The following CTIF variants were observed in gnomAD, a reference collection of about 807,000 sequenced individuals.
CTIF encodes cap binding complex dependent translation initiation factor.
A neutral mutation model predicts 66.0 loss-of-function variants in CTIF; 21 were observed. The ratio of observed to expected loss-of-function variants is 0.32; its 90% CI spans 0.23 to 0.46. The LOEUF (loss-of-function observed/expected upper bound fraction) is 0.46. Among genes scored for constraint, CTIF ranks in the 20% least tolerant of loss-of-function variants. The pLI is 1.00. For synonymous variants in CTIF, 345 were observed against 326.4 expected, an observed-to-expected ratio of 1.06 and a Z score of -0.62; for missense variants, 739 against 812.7, an observed-to-expected ratio of 0.91 and a Z score of 1.10.
chr18:48,724,384 C>G (rs1333807862), intron 7 of CTIF, among the ~76,000 whole-genome samples: 1 of 152,188 alleles, frequency 6.6e-6, no homozygotes, highest in Non-Finnish European at 1.5e-5. Context: ...ACCCTCCCAC[C>G]CACTGTCTTC....
At chr18:48,625,504 T>C (rs2090577788) in intron 2 of CTIF, among the ~76,000 whole-genome samples, 1 of 152,242 alleles carries the variant, frequency 6.6e-6, no homozygotes, top group Non-Finnish European at 1.5e-5. Flanking sequence ...TCTGCTCCCT[T>C]ACTCCTACCT....
At chr18:48,802,324 C>T (rs1260134692) in intron 9 of CTIF, among the ~76,000 whole-genome samples, 1 of 152,250 alleles carries the variant, frequency 6.6e-6, no homozygotes, top group Non-Finnish European at 1.5e-5. Context: ...GTCTCCAAGC[C>T]CTCGGCCTCT....
chr18:48,713,162 C>T (rs2092245607), intron 7 of CTIF, among the ~76,000 whole-genome samples: 1 of 152,128 alleles, frequency 6.6e-6, no homozygotes, highest in Non-Finnish European at 1.5e-5. Context: ...CAGCACCCCT[C>T]AAGGAGGAAT....
intron 10 of CTIF, among the ~76,000 whole-genome samples, chr18:48,846,389 C>T (rs902700509): frequency 5.3e-5 from 8 of 152,322 alleles, no homozygotes; most frequent in Admixed American, 4.6e-4. Context: ...CTCTTGTTAT[C>T]CCTGTACTTA....
At chr18:48,832,501 G>T (rs1016696423) in intron 10 of CTIF, among the ~76,000 whole-genome samples, 1 of 152,194 alleles carries the variant, frequency 6.6e-6, no homozygotes. Context: ...TGTGGCAGGG[G>T]TGGCCAGTTG....
intron 7 of CTIF, among the ~76,000 whole-genome samples, chr18:48,713,008 A>G (rs1181519499): frequency 3.9e-5 from 6 of 152,212 alleles, no homozygotes; most frequent in Non-Finnish European, 7.3e-5. Context: ...AAAAAGGAAC[A>G]CTGAGCAGGA....
Position 48,629,559 on chromosome 18 carries a change from A to G in CTIF, c.181-7055A>G, listed in dbSNP as rs2090664621. ...TCAGAACAAGGACATGATACAGTAT[A>G]GGAAATGAACATTGATAGAATGCTG... On this transcript the variant is annotated intron_variant, in intron 2 of 11. Coordinates refer to ENST00000256413, the MANE Select transcript of CTIF (RefSeq NM_014772.3). Among the ~76,000 whole-genome samples the G allele has an allele frequency of 2.0e-5, 3 of 152,068 alleles. No individual in the cohort carries two copies. In the South Asian group the frequency reaches 6.2e-4, roughly 32 times the overall value.
At chr18:48,675,939 C>T (rs886556690) in intron 6 of CTIF, among the ~76,000 whole-genome samples, 12 of 152,326 alleles carry the variant, frequency 7.9e-5, no homozygotes, top group Middle Eastern at 3.4e-3. Context: ...TCCAAGTTAA[C>T]TTGACCAAGT....
At chr18:48,765,292 C>T (rs921937132) in intron 9 of CTIF, among the ~76,000 whole-genome samples, 2 of 152,168 alleles carry the variant, frequency 1.3e-5, no homozygotes, top group Non-Finnish European at 2.9e-5. Context: ...TCCATCCACT[C>T]AAGGCCCATC....
chr18:48,568,668 A>AG (rs2089339392), intron 1 of CTIF, among the ~76,000 whole-genome samples: 1 of 137,150 alleles, frequency 7.3e-6, no homozygotes, highest in Non-Finnish European at 1.5e-5. Flanking sequence ...AAAAAAAAAA[A>AG]GAGGTTTAAT....
chr18:48,855,206 G>C (rs1054418092), intron 10 of CTIF, among the ~76,000 whole-genome samples: 5 of 152,334 alleles, frequency 3.3e-5, no homozygotes, highest in South Asian at 2.1e-4. Context: ...CTGGCATCTG[G>C]AACAGGACTG....
At chr18:48,686,191 T>C (rs1330477849) in intron 6 of CTIF, among the ~76,000 whole-genome samples, 1 of 152,238 alleles carries the variant, frequency 6.6e-6, no homozygotes, top group East Asian at 1.9e-4. Context: ...TAAAGATCTT[T>C]CCTTCTCTAT....
intron 10 of CTIF, among the ~76,000 whole-genome samples, chr18:48,820,911 G>A (rs1433029610): frequency 6.6e-6 from 1 of 152,164 alleles, no homozygotes; most frequent in African/African-American, 2.4e-5. Flanking sequence ...TTCATTCTGA[G>A]GTCCAAGCTT....
chr18:48,588,182 G>A (rs191877415), intron 1 of CTIF, among the ~76,000 whole-genome samples: 1 of 152,200 alleles, frequency 6.6e-6, no homozygotes, highest in African/African-American at 2.4e-5. Flanking sequence ...TTCCTTGCTC[G>A]CATCCTCATG....
intron 1 of CTIF, among the ~76,000 whole-genome samples, chr18:48,543,443 G>A (rs2088672012): frequency 6.6e-6 from 1 of 152,100 alleles, no homozygotes; most frequent in African/African-American, 2.4e-5. Flanking sequence ...TTCAGGTTTG[G>A]GTTTTCTTTT....
intron 1 of CTIF, among the ~76,000 whole-genome samples, chr18:48,556,486 C>T (rs1235401768): frequency 6.6e-6 from 1 of 152,236 alleles, no homozygotes; most frequent in East Asian, 1.9e-4. Context: ...GCACAGAGAA[C>T]AAGCTGGGAC....
chr18:48,591,087 G>A (rs2089877252), intron 1 of CTIF, among the ~76,000 whole-genome samples: 1 of 152,192 alleles, frequency 6.6e-6, no homozygotes, highest in South Asian at 2.1e-4. Context: ...GGGAAGTGTG[G>A]GAAGATGCTC....
chr18:48,835,679 G>A (rs1181655159), intron 10 of CTIF, among the ~76,000 whole-genome samples: 7 of 152,192 alleles, frequency 4.6e-5, no homozygotes, highest in African/African-American at 2.4e-5. Context: ...GAGTGGCCTT[G>A]GGCACACTGG....
intron 7 of CTIF, among the ~76,000 whole-genome samples, chr18:48,720,320 A>T (rs371735521): frequency 6.6e-6 from 1 of 152,066 alleles, no homozygotes. Flanking sequence ...GCATGGTTTG[A>T]CTGAGCCTAT....
Sources: gnomAD v4.1 joint callset for allele counts (sites outside exome capture counted in the v4.1 genomes callset) on GRCh38, gnomAD v4.1.1 for gene constraint, MANE v1.5 for transcripts, NCBI Gene and HGNC (gene_info 2026-07-23, HGNC 2026-07-21) for gene names.